NAV2: variants seen among roughly 807,000 people sequenced by gnomAD.
NAV2 encodes the protein neuron navigator 2, also known as helicase, APC down-regulated 1.
NAV2 carries 54 observed loss-of-function variants against 223.2 expected under a neutral mutation model. That is an observed-to-expected ratio of 0.24 (90% CI 0.19 to 0.30). The LOEUF is 0.30. NAV2 is among the 10% of genes least tolerant of loss of function. The probability of loss-of-function intolerance (pLI) is 1.00; values close to 1 mark genes in which losing one functional copy is unlikely to be tolerated. For synonymous variants in NAV2, 1,279 were observed against 1,239.3 expected (o/e 1.03, Z -0.67); for missense variants, 2,806 against 3,147.5 (o/e 0.89, Z 2.60).
chr11:19,939,595 C>A, intron 7 of NAV2, 66 bp from the exon 8 acceptor site: 1 of 1,289,506 alleles, frequency 7.8e-7, no homozygotes, highest in Non-Finnish European at 1.1e-6. Flanking sequence ...GTGGTTAGAC[C>A]ACAGTGGTCC....
At chr11:19,459,756 G>A (rs1236095651) in intron 1 of NAV2, among the ~76,000 whole-genome samples, 1 of 152,178 alleles carries the variant, frequency 6.6e-6, no homozygotes, top group Non-Finnish European at 1.5e-5. Flanking sequence ...TATAAATACT[G>A]GAAAAGCCTT....
chr11:19,508,352 T>C, intron 1 of NAV2, among the ~76,000 whole-genome samples: 1 of 152,204 alleles, frequency 6.6e-6, no homozygotes, highest in East Asian at 1.9e-4. Context: ...TGCTGACCTT[T>C]GTCCTCTTCC....
At chr11:19,517,993 G>A (rs1195517400) in intron 1 of NAV2, among the ~76,000 whole-genome samples, 1 of 152,230 alleles carries the variant, frequency 6.6e-6, no homozygotes, top group Non-Finnish European at 1.5e-5. Context: ...ATACAAGAGG[G>A]CATAGCTGGG....
intron 1 of NAV2, among the ~76,000 whole-genome samples, chr11:19,379,210 G>A (rs1590083773): frequency 6.6e-6 from 1 of 152,292 alleles, no homozygotes; most frequent in East Asian, 1.9e-4. Flanking sequence ...CTCAGGGTCA[G>A]ACAGACTGGA....
At chr11:19,833,492 G>A (rs2060062488) in intron 2 of NAV2, among the ~76,000 whole-genome samples, 1 of 152,214 alleles carries the variant, frequency 6.6e-6, no homozygotes, top group Non-Finnish European at 1.5e-5. Flanking sequence ...CATTCAAAGA[G>A]AAAGGAGTTT....
At chr11:19,661,656 T>G (rs2048287312) in intron 1 of NAV2, among the ~76,000 whole-genome samples, 1 of 151,980 alleles carries the variant, frequency 6.6e-6, no homozygotes, top group African/African-American at 2.4e-5. Flanking sequence ...TGTGAAGGAG[T>G]GAGGAAATTG....
intron 1 of NAV2, among the ~76,000 whole-genome samples, chr11:19,779,065 C>T (rs542547963): frequency 2.0e-5 from 3 of 152,298 alleles, no homozygotes; most frequent in East Asian, 1.9e-4. Flanking sequence ...TTCTCCACTC[C>T]GATATTGCTG....
At chr11:19,448,542 C>T (rs1038409963) in intron 1 of NAV2, among the ~76,000 whole-genome samples, 3 of 152,224 alleles carry the variant, frequency 2.0e-5, no homozygotes, top group African/African-American at 7.2e-5. Flanking sequence ...ATACTGGGAT[C>T]CTGGCACGTG....
At position 20,092,346 on chromosome 11, in the gene NAV2, C is replaced by T; in HGVS notation, c.5793C>T (p.Asn1931=). The T allele has an allele frequency of 2.5e-6, 4 of 1,613,626 alleles. No homozygotes were observed. In the East Asian group the frequency reaches 8.9e-5, roughly 36 times the overall value. ...TGGGCCTCTCCCAGCACAGCTTGAA[C>T]CTCACTGAGTCAACCAGCCTGGGTG... The part of the protein sequence containing the change: ...QSMGLSQHSL[N]LTESTSLDML... The change falls in exon 28 of 38, where the codon AAC becomes AAT. Residue 1931 remains asparagine (N), a synonymous_variant. Transcript: ENST00000349880.
At chr11:19,348,062 A>G (rs1305964089), upstream of NAV2, among the ~76,000 whole-genome samples, 1 of 152,352 alleles carries the variant, frequency 6.6e-6, no homozygotes, top group East Asian at 1.9e-4. Context: ...AAAGGCTCAC[A>G]GGAGGTGTTG....
chr11:19,576,368 T>C (rs1488430739), intron 1 of NAV2, among the ~76,000 whole-genome samples: 1 of 152,248 alleles, frequency 6.6e-6, no homozygotes, highest in Non-Finnish European at 1.5e-5. Context: ...CTGCAGGGTA[T>C]TTTGAAACCA....
At chr11:19,994,376 G>A (rs1425412420) in intron 11 of NAV2, among the ~76,000 whole-genome samples, 2 of 151,830 alleles carry the variant, frequency 1.3e-5, no homozygotes, top group African/African-American at 2.4e-5. Context: ...GCAAAACCCC[G>A]TCTCTACTAA....
At chr11:19,730,570 C>T (rs942634587) in intron 1 of NAV2, among the ~76,000 whole-genome samples, 2 of 152,226 alleles carry the variant, frequency 1.3e-5, no homozygotes, top group African/African-American at 2.4e-5. Context: ...TGGGAGCCAG[C>T]GCTTCTGACG....
At chr11:19,407,205 T>C (rs1849935119) in intron 1 of NAV2, among the ~76,000 whole-genome samples, 1 of 152,190 alleles carries the variant, frequency 6.6e-6, no homozygotes, top group Non-Finnish European at 1.5e-5. Flanking sequence ...GTTTCAGGCA[T>C]TTTGCAGGGT....
intron 1 of NAV2, among the ~76,000 whole-genome samples, chr11:19,403,032 T>G (rs552289686): frequency 1.3e-5 from 2 of 152,330 alleles, no homozygotes; most frequent in African/African-American, 4.8e-5. Flanking sequence ...CTCAGCCACT[T>G]ATGTTGTGTG....
chr11:19,517,588 C>G (rs1250582818), intron 1 of NAV2, among the ~76,000 whole-genome samples: 1 of 152,190 alleles, frequency 6.6e-6, no homozygotes, highest in Admixed American at 6.5e-5. Flanking sequence ...ATCAAAGGTT[C>G]AGAAGTCATT....
At chr11:19,938,741 C>T (rs1448024546) in intron 7 of NAV2, among the ~76,000 whole-genome samples, 2 of 152,068 alleles carry the variant, frequency 1.3e-5, no homozygotes, top group African/African-American at 4.8e-5. Context: ...GTATGAAATC[C>T]TTTAAAGGTA....
Position 19,592,445 on chromosome 11 carries a change from A to G in NAV2, c.76-240039A>G, listed in dbSNP as rs76346020. 9.8e-3 allele frequency among the ~76,000 whole-genome samples: 1,490 copies of G among 152,032 alleles called. 14 individuals carry two copies. Among genetic ancestry groups the G allele is most frequent in the South Asian group, 0.039 (187 of 4,812 alleles). On this transcript the variant is annotated intron_variant, in intron 1 of 37. Coordinates refer to the NAV2 transcript ENST00000360655. Reference sequence around the variant, plus strand: ...TTATTCCTCCATTTCCTGTCCTCCCATAGATCAGTATGTGACATTCCACTT... The same window carrying G: ...TTATTCCTCCATTTCCTGTCCTCCCGTAGATCAGTATGTGACATTCCACTT...
At chr11:19,437,141 A>C (rs986607737) in intron 1 of NAV2, among the ~76,000 whole-genome samples, 4 of 152,168 alleles carry the variant, frequency 2.6e-5, no homozygotes, top group African/African-American at 9.7e-5. Flanking sequence ...AGATAATGTG[A>C]TCTATCACAA....
Sources: allele counts gnomAD v4.1 joint callset (sites outside exome capture counted in the v4.1 genomes callset), GRCh38; gene constraint gnomAD v4.1.1; transcripts MANE v1.5; gene names NCBI Gene and HGNC (gene_info 2026-07-23, HGNC 2026-07-21).